ARHGEF5: variants seen among roughly 807,000 people sequenced by gnomAD.
ARHGEF5 encodes Rho guanine nucleotide exchange factor 5.
A neutral mutation model predicts 104.0 loss-of-function variants in ARHGEF5; 11 were observed. The ratio of observed to expected loss-of-function variants is 0.11; its 90% CI spans 0.07 to 0.18. ARHGEF5 has a LOEUF of 0.18. Ranked by LOEUF, ARHGEF5 falls within the 10% of genes least tolerant of loss-of-function variation. The pLI, the probability that ARHGEF5 is intolerant of heterozygous loss-of-function variation, is 1.00. For synonymous variants in ARHGEF5, 60 were observed against 512.2 expected, an observed-to-expected ratio of 0.12 and a Z score of 11.92; for missense variants, 165 against 1,335.4, an observed-to-expected ratio of 0.12 and a Z score of 13.66.
intron 1 of ARHGEF5, among the ~76,000 whole-genome samples, chr7:144,358,737 AAG>A (rs2053614128): frequency 1.6e-5 from 1 of 61,812 alleles, no homozygotes; most frequent in Admixed American, 2.2e-4. Context: ...GCTCTATTGC[AAG>A]AGTTTGTAAG....
rs763316091 is a variant in ARHGEF5, at chr7:144,379,978, A to C, written c.4716A>C (p.Pro1572=). 8 of 1,614,198 alleles carry C rather than the reference A, an allele frequency of 5.0e-6. No homozygotes were observed. The Admixed American group carries it at 1.3e-4, about 27-fold the overall frequency. The change falls in exon 15 of 15, where the codon CCA becomes CCC. Residue 1572 remains proline (P), a synonymous_variant. Coordinates refer to ENST00000056217, the MANE Select transcript of ARHGEF5 (RefSeq NM_005435.4). ...AGCAGGTGGAGTTCATTTCCAACCC[A>C]GAGGTCCGTGCACAGAACCTGAAGG... ...PVQQVEFISN[P]EVRAQNLKEA...
At chr7:144,379,617 C>T (rs1394831188) in intron 14 of ARHGEF5, among the ~76,000 whole-genome samples, 2 of 152,174 alleles carry the variant, frequency 1.3e-5, no homozygotes, top group East Asian at 3.8e-4. Context: ...CAACCTCATT[C>T]CCCATAAGGT....
chr7:144,378,687 C>G (rs936189990), intron 13 of ARHGEF5, 75 bp from the exon 14 acceptor site: 23 of 1,273,322 alleles, frequency 1.8e-5, no homozygotes, highest in Non-Finnish European at 2.5e-5. Flanking sequence ...TCCCACGCCA[C>G]CCCCCTCCAA....
At chr7:144,379,410 A>G (rs953378714) in intron 14 of ARHGEF5, among the ~76,000 whole-genome samples, 3 of 152,022 alleles carry the variant, frequency 2.0e-5, no homozygotes, top group African/African-American at 7.2e-5. Context: ...GGGTTTCACC[A>G]TATTGGTCAG....
chr7:144,372,937 G>A (rs2053733692), intron 9 of ARHGEF5, among the ~76,000 whole-genome samples, 180 bp downstream of exon 9: 1 of 135,756 alleles, frequency 7.4e-6, no homozygotes, highest in Non-Finnish European at 1.6e-5. Flanking sequence ...CTCCCACGCC[G>A]AGCACACTCC....
At position 144,380,249 on chromosome 7, in the gene ARHGEF5, G is replaced by A. The variant is rs1587076209; in HGVS notation, c.*193G>A. 5 of 644,330 alleles carry A rather than the reference G, an allele frequency of 7.8e-6. No homozygotes were observed. The highest frequency in any genetic ancestry group is 5.8e-5 in the East Asian group (2 of 34,428). 39.9% of individuals were successfully genotyped at this position (644,330 alleles called of 1,614,324 possible). ...CTTTGTGCTTGGTGGGGGGGATTTCGAGGGACTTTGCACTGGACTCTGGGA... is the reference window on the plus strand; with the variant it reads ...CTTTGTGCTTGGTGGGGGGGATTTCAAGGGACTTTGCACTGGACTCTGGGA... On this transcript the variant is annotated 3_prime_UTR_variant, in exon 15 of 15. Coordinates refer to ENST00000056217, the MANE Select transcript of ARHGEF5 (RefSeq NM_005435.4).
rs904267493 is a variant in ARHGEF5, at chr7:144,358,809, A to C, written c.-13+3308A>C. The stretch of plus-strand genomic sequence containing the variant: ...TGTGTGTGTGTGTGTGTGTACACAC[A>C]CAGTGGCTAAGCAGGACAGTATTCT... On this transcript the variant is annotated intron_variant, in intron 1 of 14. Coordinates refer to ENST00000056217, the MANE Select transcript of ARHGEF5 (RefSeq NM_005435.4). Among the ~76,000 whole-genome samples, 11 of 134,718 alleles carry C rather than the reference A, an allele frequency of 8.2e-5. 1 individual carries two copies. The highest frequency in any genetic ancestry group is 3.0e-4 in the African/African-American group (11 of 36,876). 88.4% of individuals were successfully genotyped at this position (134,718 alleles called of 152,430 possible).
At chr7:144,376,999 T>C in intron 12 of ARHGEF5, 121 bp from the exon 13 acceptor site, 1 of 498,664 alleles carries the variant, frequency 2.0e-6, no homozygotes, top group Non-Finnish European at 3.6e-6. Context: ...GAGTCCTATA[T>C]AGTGTTTGAT....
At chr7:144,365,923 TCTG>T in intron 2 of ARHGEF5, 100 bp downstream of exon 2, 1 of 131,590 alleles carries the variant, frequency 7.6e-6, no homozygotes, top group East Asian at 1.1e-4. Context: ...TAACATTCTC[TCTG>T]CTGGCTTCGC....
Position 144,363,291 on chromosome 7 carries a change from G to T in ARHGEF5, c.622G>T (p.Glu208Ter). The change falls in exon 2 of 15, where the codon GAA (glutamate) becomes TAA (stop). Residue 208 changes from glutamate (E) to a stop codon, truncating the protein, a stop_gained. Coordinates refer to ENST00000056217, the MANE Select transcript of ARHGEF5 (RefSeq NM_005435.4). LOFTEE classifies it high-confidence loss of function. Reference sequence around the variant, plus strand: ...TGAAAGTGGGACTATCAGGCAGGGGGAAGAGCTGCCACCTGAGGAGCTGCA... The same window carrying T: ...TGAAAGTGGGACTATCAGGCAGGGGTAAGAGCTGCCACCTGAGGAGCTGCA... ...GSESGTIRQG[E>*]ELPPEELQES... 1 of 1,592,858 alleles carries T rather than the reference G, an allele frequency of 6.3e-7. No individual in the cohort carries two copies. The highest frequency in any genetic ancestry group is 8.6e-7 in the Non-Finnish European group (1 of 1,164,572).
In ARHGEF5 at chr7:144,380,506, A is replaced by C; in HGVS notation, c.*450A>C. ...GGGTCAGCCCGGTGACCTCTAAGGT[A>C]TCTTCTAACCTAGAAATTCACCATA... On this transcript the variant is annotated 3_prime_UTR_variant, in exon 15 of 15. Transcript: ENST00000056217. 6.3e-6 allele frequency: 1 copy of C among 158,454 alleles called. No homozygotes were observed. The highest frequency in any genetic ancestry group is 1.4e-5 in the Non-Finnish European group (1 of 71,272). The allele number at this position is 158,454 out of a possible 1,614,324, so 9.8% of individuals were successfully genotyped here.
intron 1 of ARHGEF5, among the ~76,000 whole-genome samples, chr7:144,360,233 C>T: frequency 8.4e-6 from 1 of 119,446 alleles, no homozygotes; most frequent in African/African-American, 3.2e-5. Context: ...GCCTCAGCCT[C>T]CCGAGTAGCT....
chr7:144,372,492 C>T (rs1233767771), intron 8 of ARHGEF5, 64 bp downstream of exon 8: 1 of 632,306 alleles, frequency 1.6e-6, no homozygotes, highest in Non-Finnish European at 2.8e-6. Context: ...GGAAGACCCA[C>T]AACAAAGGAC....
Position 144,378,764 on chromosome 7 carries a change from TC to T in ARHGEF5, c.4540del (p.Gln1514ArgfsTer24). The part of the protein sequence containing the change: ...EELDLLECYN[S>X]PQVQCLRAYK... ...CTTCACACTCTTCTCTTCCAAAGAC[TC>T]CCCCCAGGTACAGTGCCTTCGAGCC... On this transcript the variant is annotated frameshift_variant, in exon 14 of 15. Coordinates refer to ENST00000056217, the MANE Select transcript of ARHGEF5 (RefSeq NM_005435.4). LOFTEE classifies it high-confidence loss of function. 6.2e-7 allele frequency: 1 copy of T among 1,612,786 alleles called. No homozygotes were observed. The highest frequency in any genetic ancestry group is 8.5e-7 in the Non-Finnish European group (1 of 1,179,446).
rs770944676 is a variant in ARHGEF5, at chr7:144,379,928, G to A, written c.4666G>A (p.Gly1556Arg). 3.7e-6 allele frequency: 6 copies of A among 1,614,192 alleles called. No individual in the cohort carries two copies. Among genetic ancestry groups the A allele is most frequent in the African/African-American group, 1.3e-5 (1 of 75,046 alleles). The change falls in exon 15 of 15, where the codon GGG (glycine) becomes AGG (arginine). Residue 1556 changes from glycine (G) to arginine (R), a missense_variant. By Grantham distance (125) the Gly-to-Arg change is moderately radical. Transcript: ENST00000056217. ...GWLEGVRLSD[G>R]ERGWFPVQQV... ...GCTGGAGGGCGTGAGGCTCTCAGAC[G>A]GGGAGCGAGGCTGGTTTCCTGTGCA... is the stretch of plus-strand genomic sequence containing the variant.
chr7:144,374,048 G>T (rs2053742609), intron 10 of ARHGEF5, among the ~76,000 whole-genome samples: 2 of 113,666 alleles, frequency 1.8e-5, no homozygotes, highest in Admixed American at 9.3e-5. Context: ...CACCATGTTG[G>T]CCAAGCTGAT....
At chr7:144,360,861 A>G (rs1411495328) in intron 1 of ARHGEF5, among the ~76,000 whole-genome samples, 1 of 144,204 alleles carries the variant, frequency 6.9e-6, no homozygotes, top group East Asian at 2.0e-4. Flanking sequence ...TAATTGTATA[A>G]ATGCTACAAA....
At position 144,380,294 on chromosome 7, in the gene ARHGEF5, A is replaced by T. The variant is rs2053792316; in HGVS notation, c.*238A>T. 1 of 464,316 alleles carries T rather than the reference A, an allele frequency of 2.2e-6. No individual in the cohort carries two copies. The highest frequency in any genetic ancestry group is 3.9e-6 in the Non-Finnish European group (1 of 259,630). 28.8% of individuals were successfully genotyped at this position (464,316 alleles called of 1,614,324 possible). ...CTGGGAACCTTTCATCATTAAAAAA[A>T]GGGGGACCATTGGGGCCTGAGCCAA... On this transcript the variant is annotated 3_prime_UTR_variant, in exon 15 of 15. Transcript: ENST00000056217.
At chr7:144,359,426 G>A (rs1417485129) in intron 1 of ARHGEF5, among the ~76,000 whole-genome samples, 62 of 141,982 alleles carry the variant, frequency 4.4e-4, no homozygotes, top group Middle Eastern at 3.6e-3. Context: ...TCATTCATAC[G>A]ATACATCTTT....
Sources: gnomAD v4.1 joint callset for allele counts (sites outside exome capture counted in the v4.1 genomes callset) on GRCh38, gnomAD v4.1.1 for gene constraint, MANE v1.5 for transcripts, NCBI Gene and HGNC (gene_info 2026-07-23, HGNC 2026-07-21) for gene names.